Variants in SI observed in about 807,000 individuals in gnomAD.
The protein encoded by SI is sucrase-isomaltase, intestinal.
In SI, 235 loss-of-function variants were observed where a neutral mutation model predicts 253.3. The ratio of observed to expected loss-of-function variants is 0.93; its 90% confidence interval spans 0.83 to 1.03. The LOEUF is 1.03. Among genes scored for constraint, SI ranks in the 50% least tolerant of loss-of-function variants. The probability of loss-of-function intolerance (pLI) is 0.00; values close to 1 mark genes in which losing one functional copy is unlikely to be tolerated. For synonymous variants in SI, 819 were observed against 712.0 expected (o/e 1.15, Z -2.39); for missense variants, 2,442 against 2,211.1 (o/e 1.10, Z -2.09).
At chr3:164,989,427 A>G (rs1431849142) in intron 44 of SI, among the ~76,000 whole-genome samples, 1 of 143,572 alleles carries the variant, frequency 7.0e-6, no homozygotes, top group Non-Finnish European at 1.6e-5. Flanking sequence ...AAAGAAAGAA[A>G]GAAAGAAAGG....
chr3:165,004,432 G>T (rs1033805727), intron 37 of SI, among the ~76,000 whole-genome samples: 4 of 152,110 alleles, frequency 2.6e-5, no homozygotes, highest in East Asian at 1.9e-4. Context: ...ATATGATTCA[G>T]CAGTCCTGCT....
At position 165,060,060 on chromosome 3, in the gene SI, T is replaced by C. The variant is rs759095599; in HGVS notation, c.1021-33A>G. 1.0e-5 allele frequency: 16 copies of C among 1,585,214 alleles called. No homozygotes were observed. The South Asian group carries it at 1.7e-4, about 16-fold the overall frequency. ...TAAATGAGCATGTAATTAGTTTGAATAGAAATAAATATATTTAGCATTAAT... is the reference window on the plus strand; with the variant it reads ...TAAATGAGCATGTAATTAGTTTGAACAGAAATAAATATATTTAGCATTAAT... On this transcript the variant is annotated intron_variant, in intron 9 of 47. Coordinates refer to ENST00000264382, the MANE Select transcript of SI (RefSeq NM_001041.4).
intron 27 of SI, 88 bp from the exon 28 acceptor site, chr3:165,019,858 T>C: frequency 8.5e-7 from 1 of 1,182,728 alleles, no homozygotes; most frequent in Non-Finnish European, 1.2e-6. Flanking sequence ...TCTTAGATTA[T>C]CTAAAAATCA....
At chr3:164,981,938 AT>A (rs1426966867) in intron 47 of SI, among the ~76,000 whole-genome samples, 1 of 152,152 alleles carries the variant, frequency 6.6e-6, no homozygotes, top group East Asian at 1.9e-4. Context: ...CAGATATCTT[AT>A]TTTTAAAAAA....
chr3:165,076,302 T>C (rs183303433), intron 1 of SI, among the ~76,000 whole-genome samples: 1 of 151,800 alleles, frequency 6.6e-6, no homozygotes, highest in Non-Finnish European at 1.5e-5. Flanking sequence ...AAGATGAAAA[T>C]ACAGATGGAA....
intron 22 of SI, among the ~76,000 whole-genome samples, chr3:165,035,786 TG>T (rs1228224683): frequency 6.6e-6 from 1 of 151,540 alleles, no homozygotes; most frequent in East Asian, 1.9e-4. Context: ...TAAGGAAAAT[TG>T]TAAGTGAATA....
intron 16 of SI, among the ~76,000 whole-genome samples, chr3:165,044,394 C>T (rs546371967): frequency 4.6e-5 from 7 of 152,028 alleles, no homozygotes; most frequent in African/African-American, 9.6e-5. Context: ...ATATAGCACA[C>T]GAAGATTCCC....
chr3:165,003,745 C>A (rs1718365866), intron 37 of SI, among the ~76,000 whole-genome samples: 1 of 151,752 alleles, frequency 6.6e-6, no homozygotes, highest in South Asian at 2.1e-4. Context: ...TAAAAGAGAC[C>A]AATTAAATAA....
In SI at chr3:165,059,996, C is replaced by T. The variant is rs757378614; in HGVS notation, c.1052G>A (p.Trp351Ter). Residue 351 changes from tryptophan to a stop codon, truncating the protein, a stop_gained, in exon 10 of 48, where the codon TGG (tryptophan) becomes TAG (stop). Coordinates refer to ENST00000264382, the MANE Select transcript of SI (RefSeq NM_001041.4). LOFTEE classifies it high-confidence loss of function. ...LVGLPAMPAY[W>*]NLGFQLSRWN... is the part of the protein sequence containing the mutation. ...GCGACTTAGTTGGAATCCAAGATTCCAATATGCTGGCATTGCTGGTAGTCC... is the reference window on the plus strand; with the variant it reads ...GCGACTTAGTTGGAATCCAAGATTCTAATATGCTGGCATTGCTGGTAGTCC... 1 of 1,611,914 alleles carries T rather than the reference C, an allele frequency of 6.2e-7. No homozygotes were observed. The highest frequency in any genetic ancestry group is 1.7e-5 in the Admixed American group (1 of 59,840).
intron 40 of SI, 50 bp from the exon 41 acceptor site, chr3:164,994,455 T>G (rs1265629562): frequency 6.4e-7 from 1 of 1,557,626 alleles, no homozygotes; most frequent in Admixed American, 1.7e-5. Flanking sequence ...CTTGTTTAAG[T>G]CATAATATTC....
At chr3:165,023,882 T>C in intron 25 of SI, 106 bp from the exon 26 acceptor site, 2 of 795,928 alleles carry the variant, frequency 2.5e-6, no homozygotes, top group Non-Finnish European at 2.1e-6. Context: ...TTTACAAGTT[T>C]CATTAATACA....
At chr3:165,043,838 G>A (rs1323340750) in intron 16 of SI, among the ~76,000 whole-genome samples, 1 of 151,864 alleles carries the variant, frequency 6.6e-6, no homozygotes, top group African/African-American at 2.4e-5. Flanking sequence ...GCATTATAAT[G>A]TAATTTCCTT....
chr3:165,015,986 A>G lies in SI; in HGVS notation c.3854T>C (p.Ile1285Thr), dbSNP rs375443860. 435 of 1,611,256 alleles carry G rather than the reference A, an allele frequency of 2.7e-4. No homozygotes were observed. Among genetic ancestry groups the G allele is most frequent in the Non-Finnish European group, 3.3e-4 (388 of 1,177,708 alleles). Residue 1285 changes from isoleucine (I) to threonine (T), a missense_variant, in exon 32 of 48, where the codon ATA (isoleucine) becomes ACA (threonine). Ile to Thr is a moderately conservative substitution (Grantham distance 89). Coordinates refer to ENST00000264382, the MANE Select transcript of SI (RefSeq NM_001041.4). ...FQDLPQFVDK[I>T]RGEGMRYIII... is the part of the protein sequence containing the mutation. ...AATGTATCTCATTCCTTCTCCTCTT[A>G]TTTTGTCAACAAACTGAGGAAGGTC...
chr3:165,064,082 A>T (rs1714107750), intron 7 of SI, among the ~76,000 whole-genome samples: 1 of 151,434 alleles, frequency 6.6e-6, no homozygotes, highest in Non-Finnish European at 1.5e-5. Context: ...AAATAAATAA[A>T]TAAAATAAAA....
chr3:165,060,333 A>G (rs1004949270), intron 9 of SI, among the ~76,000 whole-genome samples: 1 of 152,028 alleles, frequency 6.6e-6, no homozygotes, highest in Non-Finnish European at 1.5e-5. Context: ...AGAAAGTTAA[A>G]TAAGATAATA....
intron 16 of SI, among the ~76,000 whole-genome samples, chr3:165,045,258 C>T (rs1340228496): frequency 2.6e-5 from 4 of 151,952 alleles, no homozygotes; most frequent in South Asian, 4.1e-4. Context: ...ATTTTGATAA[C>T]ATTTTGTAGA....
chr3:164,991,259 G>C, intron 44 of SI, 94 bp downstream of exon 44: 1 of 1,400,628 alleles, frequency 7.1e-7, no homozygotes, highest in South Asian at 1.2e-5. Context: ...CTAGCTTGGC[G>C]ATGGGTTAAA....
intron 47 of SI, among the ~76,000 whole-genome samples, chr3:164,979,933 A>G (rs970137676): frequency 1.3e-5 from 2 of 151,904 alleles, no homozygotes; most frequent in Non-Finnish European, 2.9e-5. Flanking sequence ...GATAATCTAA[A>G]GTAGACTCTA....
chr3:165,011,809 A>G (rs1256050527), intron 34 of SI, among the ~76,000 whole-genome samples: 1 of 147,346 alleles, frequency 6.8e-6, no homozygotes, highest in South Asian at 2.1e-4. Flanking sequence ...TGTTCTATTT[A>G]TTATTGAAAG....
Sources: allele counts gnomAD v4.1 joint callset (sites outside exome capture counted in the v4.1 genomes callset), GRCh38; gene constraint gnomAD v4.1.1; transcripts MANE v1.5; gene names NCBI Gene and HGNC (gene_info 2026-07-23, HGNC 2026-07-21).